The following ITPR2 variants were observed in gnomAD, a reference collection of about 807,000 sequenced individuals.
ITPR2 encodes inositol 1,4,5-trisphosphate-gated calcium channel ITPR2.
In ITPR2, 207 loss-of-function variants were observed where a neutral mutation model predicts 317.1. The ratio of observed to expected loss-of-function variants is 0.65; its 90% CI spans 0.58 to 0.73. The LOEUF (loss-of-function observed/expected upper bound fraction) is 0.73. ITPR2 is among the 30% of genes least tolerant of loss of function. The pLI, the probability that ITPR2 is intolerant of heterozygous loss-of-function variation, is 0.00. For synonymous variants in ITPR2, 1,156 were observed against 1,149.1 expected (o/e 1.01, Z -0.12); for missense variants, 2,613 against 3,284.0 (o/e 0.80, Z 4.99).
chr12:26,660,169 G>A (rs1160996021), intron 15 of ITPR2, among the ~76,000 whole-genome samples: 3 of 152,196 alleles, frequency 2.0e-5, no homozygotes, highest in African/African-American at 7.2e-5. Flanking sequence ...GGTGGCCATT[G>A]TAGCTAGGCA....
chr12:26,655,521 G>A (rs1425059030), intron 20 of ITPR2, among the ~76,000 whole-genome samples, 187 bp downstream of exon 20: 5 of 151,700 alleles, frequency 3.3e-5, no homozygotes, highest in African/African-American at 1.2e-4. Flanking sequence ...GGCTGAGGCA[G>A]GAGAATGGCG....
rs780556363 is a variant in ITPR2, at chr12:26,658,034, A to G, written c.1983T>C (p.Asn661=). 2.5e-6 allele frequency: 4 copies of G among 1,613,106 alleles called. No individual in the cohort carries two copies. Among genetic ancestry groups the G allele is most frequent in the Admixed American group, 3.3e-5 (2 of 59,908 alleles). Residue 661 remains asparagine, a synonymous_variant, in exon 17 of 57, where the codon AAT becomes AAC. Coordinates refer to ENST00000381340, the MANE Select transcript of ITPR2 (RefSeq NM_002223.4). ...LICKFMLSPG[N]ADILIQTKVV... Reference sequence around the variant, plus strand: ...ACTTAGTTTGAATGAGAATGTCTGCATTGCCTGGACTCAACATAAATTTAC... The same window carrying G: ...ACTTAGTTTGAATGAGAATGTCTGCGTTGCCTGGACTCAACATAAATTTAC...
At chr12:26,614,194 CT>C (rs577208526) in intron 26 of ITPR2, among the ~76,000 whole-genome samples, 67 of 152,204 alleles carry the variant, frequency 4.4e-4, no homozygotes, top group African/African-American at 1.5e-3. Flanking sequence ...CACCCTCCAT[CT>C]TCTAAGGGAA....
intron 47 of ITPR2, among the ~76,000 whole-genome samples, chr12:26,437,314 A>T (rs1251900090): frequency 4.2e-4 from 64 of 152,218 alleles, no homozygotes. Context: ...TTGTAGATAT[A>T]TCCTGTGAAT....
intron 1 of ITPR2, among the ~76,000 whole-genome samples, chr12:26,828,899 A>G (rs1951051729): frequency 6.6e-6 from 1 of 152,206 alleles, no homozygotes; most frequent in Non-Finnish European, 1.5e-5. Flanking sequence ...CCGTGGGCAA[A>G]CCTACAGCCC....
chr12:26,582,897 T>C (rs1328396305), intron 32 of ITPR2, among the ~76,000 whole-genome samples: 1 of 152,032 alleles, frequency 6.6e-6, no homozygotes, highest in Non-Finnish European at 1.5e-5. Context: ...GATTACAGAG[T>C]GGAAGAGAAA....
intron 55 of ITPR2, among the ~76,000 whole-genome samples, chr12:26,383,544 C>A (rs565738914): frequency 6.6e-6 from 1 of 151,750 alleles, no homozygotes; most frequent in Non-Finnish European, 1.5e-5. Context: ...AGGGCAGTGG[C>A]GTGATCTCGG....
intron 2 of ITPR2, among the ~76,000 whole-genome samples, chr12:26,788,267 A>G (rs1380863257): frequency 6.6e-6 from 1 of 152,182 alleles, no homozygotes; most frequent in Non-Finnish European, 1.5e-5. Flanking sequence ...TTCTCTGGAA[A>G]TATTTCAGGG....
Position 26,715,759 on chromosome 12 carries a change from A to T in ITPR2, c.701T>A (p.Leu234Ter). 6.3e-7 allele frequency: 1 copy of T among 1,591,526 alleles called. No homozygotes were observed. The highest frequency in any genetic ancestry group is 8.6e-7 in the Non-Finnish European group (1 of 1,160,510). ...MKYSSYREDV[L>*]KGGDVVRLFH... ...TGTGTAGCACATACTTACTCCTTTT[A>T]ATACATCCTCTCGATAGGAACTATA... Residue 234 changes from leucine (L) to a stop codon, truncating the protein, a stop_gained, in exon 7 of 57, where the codon TTA (leucine) becomes TAA (stop). Transcript: ENST00000381340. LOFTEE classifies it high-confidence loss of function.
chr12:26,711,236 T>C lies in ITPR2; in HGVS notation c.888A>G (p.Ala296=). The part of the protein sequence containing the change: ...VVHHDPCRGG[A]GQWNSLFRFK... ...ATCTGAACAAGCTGTTCCACTGTCC[T>C]GCACCCCCACGGCATGGGTCATGAT... The change falls in exon 9 of 57, where the codon GCA becomes GCG. Residue 296 remains alanine, a synonymous_variant. Transcript: ENST00000381340. 1 of 1,613,884 alleles carries C rather than the reference T, an allele frequency of 6.2e-7. No homozygotes were observed. Among genetic ancestry groups the C allele is most frequent in the Non-Finnish European group, 8.5e-7 (1 of 1,179,836 alleles).
intron 23 of ITPR2, among the ~76,000 whole-genome samples, chr12:26,624,596 C>G (rs1946577980): frequency 6.6e-6 from 1 of 152,082 alleles, no homozygotes; most frequent in Non-Finnish European, 1.5e-5. Flanking sequence ...CACTGATCAT[C>G]AGAGAAATGC....
chr12:26,437,419 T>A (rs1234948618), intron 47 of ITPR2, among the ~76,000 whole-genome samples: 1 of 152,238 alleles, frequency 6.6e-6, no homozygotes, highest in Admixed American at 6.5e-5. Flanking sequence ...AATGCCGAAA[T>A]ATGCTATGAT....
chr12:26,798,500 TAC>T, intron 1 of ITPR2, among the ~76,000 whole-genome samples: 1 of 152,262 alleles, frequency 6.6e-6, no homozygotes, highest in East Asian at 1.9e-4. Flanking sequence ...ACAAGCTAAA[TAC>T]CAGCACTAAG....
chr12:26,602,515 A>G lies in ITPR2; in HGVS notation c.3553-20T>C, dbSNP rs1565633066. The G allele has an allele frequency of 6.2e-7, 1 of 1,601,566 alleles. No homozygotes were observed. The highest frequency in any genetic ancestry group is 1.1e-5 in the South Asian group (1 of 88,562). ...CAAAATCTTTAAAAGGAAGAGGGAA[A>G]GCATCAAATATAATAAATAACAATA... On this transcript the variant is annotated intron_variant, in intron 27 of 56. Transcript: ENST00000381340.
At chr12:26,590,712 C>T (rs1208107424) in intron 32 of ITPR2, among the ~76,000 whole-genome samples, 1 of 152,072 alleles carries the variant, frequency 6.6e-6, no homozygotes, top group Admixed American at 6.6e-5. Flanking sequence ...TTGGTCTGGG[C>T]AAAAATTTCT....
chr12:26,613,120 A>G (rs1946308760), intron 26 of ITPR2, among the ~76,000 whole-genome samples: 1 of 152,214 alleles, frequency 6.6e-6, no homozygotes, highest in Non-Finnish European at 1.5e-5. Flanking sequence ...TAAGAACGGA[A>G]AGGAGAAATT....
intron 26 of ITPR2, among the ~76,000 whole-genome samples, chr12:26,618,197 C>T (rs1226207585): frequency 6.6e-6 from 1 of 151,654 alleles, no homozygotes; most frequent in Non-Finnish European, 1.5e-5. Context: ...ACAGGGATGC[C>T]CATTATTACC....
chr12:26,682,152 T>G (rs10842774), intron 12 of ITPR2, 118 bp from the exon 13 acceptor site: 151,579 of 775,008 alleles, frequency 0.2, 19,383 homozygotes, highest in East Asian at 0.53. Context: ...CCGAACACAG[T>G]AACTCCCACA....
intron 21 of ITPR2, among the ~76,000 whole-genome samples, chr12:26,639,845 C>T (rs1293019374): frequency 6.6e-5 from 10 of 151,934 alleles, no homozygotes; most frequent in Non-Finnish European, 2.9e-5. Context: ...GTATATGTGC[C>T]ACATTTTCTT....
Sources: gnomAD v4.1 joint callset for allele counts (sites outside exome capture counted in the v4.1 genomes callset) on GRCh38, gnomAD v4.1.1 for gene constraint, MANE v1.5 for transcripts, NCBI Gene and HGNC (gene_info 2026-07-23, HGNC 2026-07-21) for gene names.